The following PDZRN4 variants were observed in gnomAD, a reference collection of about 807,000 sequenced individuals.
PDZRN4 encodes PDZ domain-containing RING finger protein 4.
In PDZRN4, 70 loss-of-function variants were observed where a neutral mutation model predicts 99.0. That is an observed-to-expected ratio of 0.71 (90% CI 0.58 to 0.86). PDZRN4 has a LOEUF of 0.86. Ranked by LOEUF, PDZRN4 falls within the 40% of genes least tolerant of loss-of-function variation. The pLI is 0.00. For missense variants in PDZRN4, 1,474 were observed against 1,331.2 expected, an observed-to-expected ratio of 1.11 and a Z score of -1.67; for synonymous variants, 551 against 501.6, an observed-to-expected ratio of 1.10 and a Z score of -1.32.
chr12:41,225,047 CATT>C (rs1950983721), intron 3 of PDZRN4, among the ~76,000 whole-genome samples: 1 of 152,042 alleles, frequency 6.6e-6, no homozygotes, highest in Non-Finnish European at 1.5e-5. Flanking sequence ...TTCAAATGAT[CATT>C]ATAACTATAT....
At chr12:41,223,198 G>T (rs543426191) in intron 3 of PDZRN4, among the ~76,000 whole-genome samples, 1 of 152,094 alleles carries the variant, frequency 6.6e-6, no homozygotes, top group Non-Finnish European at 1.5e-5. Context: ...CTCATAGTAA[G>T]CATGTGATAG....
rs1030881264 is a variant in PDZRN4 at position 41,211,553 on chromosome 12, C to T, written c.843+17365C>T. Reference sequence around the variant, plus strand: ...TCATTAGCATGATTAGTGTTAGTCACTTAAACAGAGAGATATGATCTTAAT... The same window carrying T: ...TCATTAGCATGATTAGTGTTAGTCATTTAAACAGAGAGATATGATCTTAAT... On this transcript the variant is annotated intron_variant, in intron 3 of 9. Transcript: ENST00000402685. Among the ~76,000 whole-genome samples, 7 of 151,928 alleles carry T rather than the reference C, an allele frequency of 4.6e-5. No homozygotes were observed. In the East Asian group the frequency reaches 5.8e-4, roughly 13 times the overall value.
In PDZRN4 at chr12:41,570,473, A is replaced by G. The variant is rs1158795813; in HGVS notation, c.1585-1891A>G. On this transcript the variant is annotated intron_variant, in intron 9 of 9. Transcript: ENST00000402685. The stretch of plus-strand genomic sequence containing the variant: ...AAAATACCTACCCATATGTGAACCT[A>G]CTTTATGGAAAGTTTCATTTTACAC... Among the ~76,000 whole-genome samples, 4 of 152,304 alleles carry G rather than the reference A, an allele frequency of 2.6e-5. No individual in the cohort carries two copies. The East Asian group carries it at 7.7e-4, about 29-fold the overall frequency.
chr12:41,468,361 T>C (rs1952950133), intron 3 of PDZRN4, among the ~76,000 whole-genome samples: 2 of 152,194 alleles, frequency 1.3e-5, no homozygotes, highest in Non-Finnish European at 2.9e-5. Context: ...CACCCATACA[T>C]AGGAGGGAAT....
intron 3 of PDZRN4, among the ~76,000 whole-genome samples, chr12:41,314,342 A>G (rs140418537): frequency 2.3e-3 from 353 of 152,284 alleles, no homozygotes; most frequent in Non-Finnish European, 3.6e-3. Flanking sequence ...ATTGAGCATC[A>G]GCTAAGTATT....
intron 3 of PDZRN4, among the ~76,000 whole-genome samples, chr12:41,240,144 T>C (rs1566386217): frequency 6.6e-6 from 1 of 151,300 alleles, no homozygotes; most frequent in Admixed American, 6.6e-5. Flanking sequence ...CCTTGTAATA[T>C]TACTATTATA....
intron 3 of PDZRN4, chr12:41,473,542 T>C (rs762451922): frequency 6.6e-6 from 1 of 152,184 alleles, no homozygotes; most frequent in Non-Finnish European, 1.5e-5. Flanking sequence ...TTCTGAGTGT[T>C]CCTGCCAGAT....
At position 41,573,503 on chromosome 12, in the gene PDZRN4, C is replaced by A; in HGVS notation, c.2724C>A (p.Asp908Glu). The A allele has an allele frequency of 1.2e-6, 2 of 1,613,844 alleles. No homozygotes were observed. Among genetic ancestry groups the A allele is most frequent in the Non-Finnish European group, 8.5e-7 (1 of 1,179,972 alleles). ...ACATCACAAAGAGACCCGTGCGAGA[C>A]CGAATCCTGAAGGAACGTGCCTTAA... The part of the protein sequence containing the change: ...TRYITKRPVR[D>E]RILKERALKI... The change falls in exon 10 of 10, where the codon GAC becomes GAA. Residue 908 changes from aspartate (D) to glutamate (E), a missense_variant. Transcript: ENST00000402685.
At chr12:41,209,026 T>C (rs1950869150) in intron 3 of PDZRN4, among the ~76,000 whole-genome samples, 1 of 152,048 alleles carries the variant, frequency 6.6e-6, no homozygotes, top group Non-Finnish European at 1.5e-5. Context: ...TGTATTTGTG[T>C]GTGTGTGTAT....
In PDZRN4 at chr12:41,204,679, G is replaced by A. The variant is rs542655617; in HGVS notation, c.843+10491G>A. Among the ~76,000 whole-genome samples, 3 of 152,080 alleles carry A rather than the reference G, an allele frequency of 2.0e-5. No homozygotes were observed. The South Asian group carries it at 6.2e-4, about 32-fold the overall frequency. ...CTCACTCACTATCACGAAAAAGCAT[G>A]GGGGAACCACCCCCGTGATTCAGTT... On this transcript the variant is annotated intron_variant, in intron 3 of 9. Coordinates refer to ENST00000402685, the MANE Select transcript of PDZRN4 (RefSeq NM_001164595.2).
At chr12:41,365,780 A>G (rs1010005092) in intron 3 of PDZRN4, among the ~76,000 whole-genome samples, 6 of 152,130 alleles carry the variant, frequency 3.9e-5, no homozygotes, top group Non-Finnish European at 7.4e-5. Flanking sequence ...TTATACTGGT[A>G]GCAAAGCTGA....
chr12:41,409,914 C>T (rs1424681832), intron 3 of PDZRN4: 1 of 152,196 alleles, frequency 6.6e-6, no homozygotes, highest in African/African-American at 2.4e-5. Flanking sequence ...TTAGAATTCT[C>T]TCTGAGTCTG....
rs141537206 is a variant in PDZRN4 at position 41,567,348 on chromosome 12, TG to T, written c.1468-429del. ...GCAGGATGAGGATAGCACGAGCGTA[TG>T]GGGGGAACTTTGTGTGCAGTCTCGT... On this transcript the variant is annotated intron_variant, in intron 8 of 9. Coordinates refer to ENST00000402685, the MANE Select transcript of PDZRN4 (RefSeq NM_001164595.2). 3.6e-3 allele frequency among the ~76,000 whole-genome samples: 545 copies of T among 152,122 alleles called. 17 individuals are homozygous for T. The East Asian group carries it at 0.093, about 26-fold the overall frequency.
At chr12:41,420,797 T>C (rs1203872382) in intron 3 of PDZRN4, among the ~76,000 whole-genome samples, 1 of 152,186 alleles carries the variant, frequency 6.6e-6, no homozygotes. Context: ...TGCCTCAGTT[T>C]TAAATACGTG....
intron 3 of PDZRN4, among the ~76,000 whole-genome samples, chr12:41,405,393 T>C (rs1476118892): frequency 6.6e-6 from 1 of 152,162 alleles, no homozygotes; most frequent in Admixed American, 6.5e-5. Flanking sequence ...AAAACCACAA[T>C]GAGATGCCAT....
At chr12:41,515,700 C>T (rs1938389912) in intron 5 of PDZRN4, among the ~76,000 whole-genome samples, 1 of 151,978 alleles carries the variant, frequency 6.6e-6, no homozygotes, top group Non-Finnish European at 1.5e-5. Context: ...TGGCATGTTT[C>T]TCCTTATCAC....
chr12:41,459,079 T>G (rs925392753), intron 3 of PDZRN4, among the ~76,000 whole-genome samples: 6 of 152,086 alleles, frequency 3.9e-5, no homozygotes, highest in Non-Finnish European at 8.8e-5. Flanking sequence ...AGTAGAAGAA[T>G]GGGTGCCAAA....
intron 5 of PDZRN4, among the ~76,000 whole-genome samples, chr12:41,520,870 A>G (rs1938483200): frequency 2.0e-5 from 3 of 152,124 alleles, no homozygotes; most frequent in African/African-American, 4.8e-5. Context: ...AGATTAGGAG[A>G]ATGTGAAGAT....
intron 4 of PDZRN4, among the ~76,000 whole-genome samples, chr12:41,507,822 A>G (rs1474018975): frequency 6.6e-6 from 1 of 152,142 alleles, no homozygotes. Flanking sequence ...TGTATCAGAC[A>G]CAAATTGGAT....
Sources: gnomAD v4.1 joint callset for allele counts (sites outside exome capture counted in the v4.1 genomes callset) on GRCh38, gnomAD v4.1.1 for gene constraint, MANE v1.5 for transcripts, NCBI Gene and HGNC (gene_info 2026-07-23, HGNC 2026-07-21) for gene names.